Variants in DNAJC13 observed in about 807,000 individuals in gnomAD.
DNAJC13 encodes the protein DnaJ heat shock protein family (Hsp40) member C13.
A neutral mutation model predicts 290.5 loss-of-function variants in DNAJC13; 75 were observed. The ratio of observed to expected loss-of-function variants is 0.26; its 90% confidence interval spans 0.21 to 0.31. DNAJC13 has a LOEUF of 0.31. DNAJC13 is among the 10% of genes least tolerant of loss of function. The pLI, the probability that DNAJC13 is intolerant of heterozygous loss-of-function variation, is 1.00. For synonymous variants in DNAJC13, 862 were observed against 892.0 expected (o/e 0.97, Z 0.60); for missense variants, 2,260 against 2,674.5 (o/e 0.85, Z 3.42).
At position 132,475,007 on chromosome 3, in the gene DNAJC13, A is replaced by G; in HGVS notation, c.2367A>G (p.Glu789=). Residue 789 remains glutamate, a synonymous_variant, in exon 22 of 56, where the codon GAA becomes GAG. Coordinates refer to ENST00000260818, the MANE Select transcript of DNAJC13 (RefSeq NM_015268.4). The stretch of plus-strand genomic sequence containing the variant: ...GAGAAGAACTGAAAGATACTCTTGA[A>G]TCTGAAATGAGAGCATTTAATATTG... The part of the protein sequence containing the change: ...KTREELKDTL[E]SEMRAFNIDR... 8 of 1,612,248 alleles carry G rather than the reference A, an allele frequency of 5.0e-6. No homozygotes were observed. The highest frequency in any genetic ancestry group is 6.8e-6 in the Non-Finnish European group (8 of 1,179,112).
Position 132,502,405 on chromosome 3 carries a change from G to A in DNAJC13, c.4653G>A (p.Leu1551=), listed in dbSNP as rs201997538. The part of the protein sequence containing the change: ...AGILWYLLGF[L]FNYDYTLEES... ...TTTTGTGGTATCTCCTTGGTTTTCT[G>A]TTTAATTATGACTACACACTAGAAG... Residue 1551 remains leucine, a synonymous_variant, in exon 40 of 56, where the codon CTG becomes CTA. Transcript: ENST00000260818. The A allele has an allele frequency of 1.2e-6, 2 of 1,613,982 alleles. No homozygotes were observed. Among genetic ancestry groups the A allele is most frequent in the Non-Finnish European group, 1.7e-6 (2 of 1,179,956 alleles).
At chr3:132,484,433 A>G in intron 28 of DNAJC13, 155 bp from the exon 29 acceptor site, 1 of 664,400 alleles carries the variant, frequency 1.5e-6, no homozygotes. Flanking sequence ...GATTTAAACC[A>G]AAATACCTAA....
intron 1 of DNAJC13, among the ~76,000 whole-genome samples, chr3:132,422,521 A>G (rs1295821628): frequency 6.6e-6 from 1 of 152,256 alleles, no homozygotes; most frequent in East Asian, 1.9e-4. Flanking sequence ...TTTTCAACAT[A>G]TTTTTTCTGT....
In DNAJC13 at chr3:132,528,345, A is replaced by G. The variant is rs756027624; in HGVS notation, c.6525+13A>G. ...GTATGGAGAACAGGTGAGTCTGCAT[A>G]GAGTCAACTTTTGATATTCTAAAAG... On this transcript the variant is annotated intron_variant, in intron 54 of 55. Transcript: ENST00000260818. 1.9e-6 allele frequency: 3 copies of G among 1,613,294 alleles called. No homozygotes were observed. The highest frequency in any genetic ancestry group is 2.7e-5 in the African/African-American group (2 of 74,916).
intron 1 of DNAJC13, among the ~76,000 whole-genome samples, chr3:132,434,020 T>C (rs1261238337): frequency 6.6e-6 from 1 of 152,160 alleles, no homozygotes; most frequent in African/African-American, 2.4e-5. Context: ...GAGACCATCC[T>C]CGCTACGGTG....
At chr3:132,528,508 A>G (rs1340643349) in intron 54 of DNAJC13, among the ~76,000 whole-genome samples, 176 bp downstream of exon 54, 2 of 152,382 alleles carry the variant, frequency 1.3e-5, no homozygotes, top group Non-Finnish European at 1.5e-5. Context: ...ATGAAAAAGC[A>G]TAAACCATAT....
intron 44 of DNAJC13, among the ~76,000 whole-genome samples, chr3:132,512,334 C>T (rs538117699): frequency 6.6e-6 from 1 of 152,236 alleles, no homozygotes; most frequent in East Asian, 1.9e-4. Context: ...AATTTAAAAG[C>T]AACATATTTA....
intron 1 of DNAJC13, among the ~76,000 whole-genome samples, chr3:132,430,459 A>G (rs1230755568): frequency 1.3e-5 from 2 of 151,916 alleles, no homozygotes; most frequent in Non-Finnish European, 2.9e-5. Context: ...TCGTTTTAAA[A>G]TCTTTATTTT....
chr3:132,420,554 C>G (rs550450929), intron 1 of DNAJC13, among the ~76,000 whole-genome samples: 4 of 152,134 alleles, frequency 2.6e-5, no homozygotes, highest in South Asian at 4.2e-4. Context: ...TCCCCCACCC[C>G]CAACCCCCTG....
chr3:132,507,847 AG>A (rs1201414225), intron 43 of DNAJC13, among the ~76,000 whole-genome samples: 5 of 152,196 alleles, frequency 3.3e-5, no homozygotes, highest in African/African-American at 1.2e-4. Context: ...TTCAAGCGAA[AG>A]GAAGAGTCAC....
intron 17 of DNAJC13, among the ~76,000 whole-genome samples, chr3:132,464,244 C>T (rs536221883): frequency 1.3e-5 from 2 of 152,268 alleles, no homozygotes; most frequent in East Asian, 3.9e-4. Flanking sequence ...CACAGAAAAC[C>T]TTACATATCC....
chr3:132,480,311 A>T, intron 25 of DNAJC13, 58 bp from the exon 26 acceptor site: 1 of 1,174,924 alleles, frequency 8.5e-7, no homozygotes, highest in Non-Finnish European at 1.3e-6. Flanking sequence ...TACTATTGGG[A>T]TAGGTTTTAG....
In DNAJC13 at chr3:132,463,712, T is replaced by C; in HGVS notation, c.1787T>C (p.Ile596Thr). 6.2e-7 allele frequency: 1 copy of C among 1,612,960 alleles called. No homozygotes were observed. Among genetic ancestry groups the C allele is most frequent in the Non-Finnish European group, 8.5e-7 (1 of 1,179,236 alleles). ...KAIIEEGDKEIATKMQELALS... is the reference protein window; with the variant it reads ...KAIIEEGDKETATKMQELALS... ...TTTCCAAAGGAAGGTGATAAAGAAA[T>C]TGCTACAAAAATGCAGGAGCTTGCC... The change falls in exon 17 of 56, where the codon ATT becomes ACT. Residue 596 changes from isoleucine (I) to threonine (T), a missense_variant. This residue lies in a region of DNAJC13 where 762 missense variants were observed against 964.1 expected (regional missense o/e 0.79). Transcript: ENST00000260818.
chr3:132,527,996 G>A (rs145099951), intron 53 of DNAJC13, among the ~76,000 whole-genome samples, 193 bp from the exon 54 acceptor site: 152 of 152,218 alleles, frequency 1.0e-3, no homozygotes, highest in African/African-American at 3.5e-3. Flanking sequence ...TTGATGTATA[G>A]CATTTAGAAT....
chr3:132,464,568 T>C (rs1933913898), intron 17 of DNAJC13, among the ~76,000 whole-genome samples: 1 of 152,236 alleles, frequency 6.6e-6, no homozygotes, highest in Non-Finnish European at 1.5e-5. Flanking sequence ...TTGTCATCTA[T>C]GTGCAGTTAT....
rs1056418623 is a variant in DNAJC13 at position 132,488,426 on chromosome 3, A to C, written c.3396A>C (p.Thr1132=). Residue 1132 remains threonine (T), a synonymous_variant, in exon 30 of 56, where the codon ACA becomes ACC. Transcript: ENST00000260818. ...TATTTTTCTTTATCATGATGTACAC[A>C]GGTTCCAATGTGCTTCCTGTTGCTC... The part of the protein sequence containing the change: ...SGVFFFIMMY[T]GSNVLPVARF... 1.2e-6 allele frequency: 2 copies of C among 1,612,158 alleles called. No individual in the cohort carries two copies. Among genetic ancestry groups the C allele is most frequent in the Non-Finnish European group, 1.7e-6 (2 of 1,179,168 alleles).
At position 132,507,294 on chromosome 3, in the gene DNAJC13, C is replaced by G. The variant is rs753061442; in HGVS notation, c.5056C>G (p.Leu1686Val). 1.2e-6 allele frequency: 2 copies of G among 1,613,432 alleles called. No homozygotes were observed. The highest frequency in any genetic ancestry group is 1.7e-6 in the Non-Finnish European group (2 of 1,179,552). The change falls in exon 43 of 56, where the codon CTT becomes GTT. Residue 1686 changes from leucine (L) to valine (V), a missense_variant. Transcript: ENST00000260818. ...TGTCTACAGTGATCATGCCAAAGAACTTATTGTAGGGGAGATTTTTGTTAG... is the reference window on the plus strand; with the variant it reads ...TGTCTACAGTGATCATGCCAAAGAAGTTATTGTAGGGGAGATTTTTGTTAG... ...EFVYSDHAKE[L>V]IVGEIFVRVY... is the part of the protein sequence containing the mutation.
rs1935042980 is a variant in DNAJC13 at position 132,490,964 on chromosome 3, A to G, written c.3536A>G (p.Tyr1179Cys). 1.2e-6 allele frequency: 2 copies of G among 1,612,886 alleles called. No individual in the cohort carries two copies. Among genetic ancestry groups the G allele is most frequent in the Non-Finnish European group, 1.7e-6 (2 of 1,179,428 alleles). The change falls in exon 32 of 56, where the codon TAC (tyrosine) becomes TGC (cysteine). Residue 1179 changes from tyrosine (Y) to cysteine (C), a missense_variant. Physicochemically the swap from Tyr to Cys is radical, Grantham distance 194. Around this residue, in one of 3 missense-constraint regions of DNAJC13, gnomAD observed 1,494 missense variants for 1,693.7 expected, o/e 0.88. Transcript: ENST00000260818. ...GHILPEAMVC[Y>C]LENYEPEKFS... is the part of the protein sequence containing the mutation. ...ATTCTACCTGAAGCAATGGTTTGTTACTTAGAAAATTATGAACCTGAAAAG... is the reference window on the plus strand; with the variant it reads ...ATTCTACCTGAAGCAATGGTTTGTTGCTTAGAAAATTATGAACCTGAAAAG...
rs759751304 is a variant in DNAJC13, at chr3:132,474,919, T to C, written c.2292-13T>C. 7.9e-6 allele frequency: 12 copies of C among 1,520,382 alleles called. No homozygotes were observed. Among genetic ancestry groups the C allele is most frequent in the Admixed American group, 1.9e-5 (1 of 52,472 alleles). The allele number at this position is 1,520,382 out of a possible 1,614,324, so 94.2% of individuals were successfully genotyped here. The stretch of plus-strand genomic sequence containing the variant: ...AGTGCATCCTGCTATTTCCTCATTA[T>C]ATGTATGTCTAGGTTTGGTCAAGAC... On this transcript the variant is annotated splice_polypyrimidine_tract_variant and intron_variant, in intron 21 of 55. Coordinates refer to ENST00000260818, the MANE Select transcript of DNAJC13 (RefSeq NM_015268.4).
Sources: allele counts gnomAD v4.1 joint callset (sites outside exome capture counted in the v4.1 genomes callset), GRCh38; gene constraint gnomAD v4.1.1; regional missense constraint gnomAD v4.1.1; transcripts MANE v1.5; gene names NCBI Gene and HGNC (gene_info 2026-07-23, HGNC 2026-07-21).